Variants in DRC11 observed in about 807,000 individuals in gnomAD.
DRC11 encodes IQ and AAA domain-containing protein 1.
the DRC11 span, among the ~76,000 whole-genome samples, chr2:236,386,246 C>T: frequency 6.6e-6 from 1 of 151,240 alleles, no homozygotes; most frequent in African/African-American, 2.4e-5. Flanking sequence ...GGTACCAGCT[C>T]CTCCTTGTAC....
chr2:236,338,962 C>T, the DRC11 span, among the ~76,000 whole-genome samples: 3 of 152,298 alleles, frequency 2.0e-5, no homozygotes, highest in East Asian at 1.9e-4. Context: ...CCAGGGAGGA[C>T]GACTTCCAGC....
At chr2:236,332,310 A>G in the DRC11 span, 1 of 152,282 alleles carries the variant, frequency 6.6e-6, no homozygotes, top group Admixed American at 6.5e-5. This position sits in a 1 kb window ranked among gnomAD's most constrained non-coding sequence, Gnocchi z 5.1. Flanking sequence ...ATAATTCTGG[A>G]TGCTTAACTT....
chr2:236,457,448 C>T, the DRC11 span, among the ~76,000 whole-genome samples: 6 of 152,172 alleles, frequency 3.9e-5, no homozygotes, highest in Admixed American at 1.3e-4. The surrounding 1 kb of genome is among the most constrained non-coding windows in gnomAD (Gnocchi z 4.7). Context: ...ATTATGAACG[C>T]TATTCATGAA....
the DRC11 span, chr2:236,497,222 G>A: frequency 1.9e-6 from 3 of 1,613,342 alleles, no homozygotes; most frequent in Non-Finnish European, 2.5e-6. This position sits in a 1 kb window ranked among gnomAD's most constrained non-coding sequence, Gnocchi z 5.1. Context: ...GTGAGTTCCA[G>A]CTCCACCATC....
the DRC11 span, among the ~76,000 whole-genome samples, chr2:236,337,800 G>A: frequency 6.7e-6 from 1 of 148,242 alleles, no homozygotes; most frequent in African/African-American, 2.5e-5. This position sits in a 1 kb window ranked among gnomAD's most constrained non-coding sequence, Gnocchi z 4.9. Context: ...AGTGGACTTT[G>A]AGACTGGAAG....
At chr2:236,369,837 C>G in the DRC11 span, among the ~76,000 whole-genome samples, 1 of 152,136 alleles carries the variant, frequency 6.6e-6, no homozygotes, top group African/African-American at 2.4e-5. This position sits in a 1 kb window ranked among gnomAD's most constrained non-coding sequence, Gnocchi z 4.5. Context: ...CCGGCACAGA[C>G]ATCAGATCTT....
At chr2:236,473,340 C>T in the DRC11 span, among the ~76,000 whole-genome samples, 172 of 152,324 alleles carry the variant, frequency 1.1e-3, no homozygotes, top group Non-Finnish European at 2.1e-3. The surrounding 1 kb of genome is among the most constrained non-coding windows in gnomAD (Gnocchi z 4.8). Flanking sequence ...GGGCCACGCT[C>T]ATTTGGGCGC....
the DRC11 span, chr2:236,507,154 G>T: frequency 1.6e-6 from 2 of 1,215,736 alleles, no homozygotes; most frequent in Non-Finnish European, 2.4e-6. Flanking sequence ...TGAGAGGGGA[G>T]GAGAAAAGAA....
At chr2:236,357,258 A>G in the DRC11 span, among the ~76,000 whole-genome samples, 1 of 90,856 alleles carries the variant, frequency 1.1e-5, no homozygotes, top group Non-Finnish European at 2.0e-5. Flanking sequence ...ATATATCTAT[A>G]TATTATAAAT....
chr2:236,422,813 T>A, the DRC11 span, among the ~76,000 whole-genome samples: 1 of 151,900 alleles, frequency 6.6e-6, no homozygotes, highest in African/African-American at 2.4e-5. Context: ...ACTACAAGGC[T>A]ACAGTAACCA....
At chr2:236,439,177 A>G in the DRC11 span, among the ~76,000 whole-genome samples, 1 of 151,344 alleles carries the variant, frequency 6.6e-6, no homozygotes. Flanking sequence ...GCAAGAGCAA[A>G]CACATTCAAA....
At chr2:236,349,132 C>T in the DRC11 span, among the ~76,000 whole-genome samples, 1 of 152,158 alleles carries the variant, frequency 6.6e-6, no homozygotes, top group Non-Finnish European at 1.5e-5. The surrounding 1 kb of genome is among the most constrained non-coding windows in gnomAD (Gnocchi z 5.5). Flanking sequence ...TTCCTAATCC[C>T]TTTCAACTCC....
the DRC11 span, among the ~76,000 whole-genome samples, chr2:236,310,359 G>A: frequency 6.6e-6 from 1 of 152,182 alleles, no homozygotes; most frequent in East Asian, 1.9e-4. The surrounding 1 kb of genome is among the most constrained non-coding windows in gnomAD (Gnocchi z 5.5). Context: ...CTCCCCAACT[G>A]GACACGGCAC....
chr2:236,409,600 T>G, the DRC11 span, among the ~76,000 whole-genome samples: 1 of 152,082 alleles, frequency 6.6e-6, no homozygotes, highest in Non-Finnish European at 1.5e-5. Flanking sequence ...TACCCTTTAT[T>G]TCCTTCTCCT....
At chr2:236,477,788 A>G in the DRC11 span, among the ~76,000 whole-genome samples, 6 of 152,112 alleles carry the variant, frequency 3.9e-5, no homozygotes, top group Non-Finnish European at 8.8e-5. Context: ...CCAGAAATTT[A>G]TCTGTTTCTT....
chr2:236,480,586 A>C, the DRC11 span, among the ~76,000 whole-genome samples: 1 of 152,212 alleles, frequency 6.6e-6, no homozygotes, highest in Non-Finnish European at 1.5e-5. Flanking sequence ...AGTTATTTCA[A>C]TATCTTTGTT....
the DRC11 span, among the ~76,000 whole-genome samples, chr2:236,317,141 A>G: frequency 6.6e-6 from 1 of 152,070 alleles, no homozygotes; most frequent in African/African-American, 2.4e-5. This position sits in a 1 kb window ranked among gnomAD's most constrained non-coding sequence, Gnocchi z 5.4. Flanking sequence ...ACTAAAATAC[A>G]AAAAATTAGC....
the DRC11 span, among the ~76,000 whole-genome samples, chr2:236,404,978 G>T: frequency 2.2e-4 from 34 of 152,236 alleles, no homozygotes; most frequent in Middle Eastern, 3.4e-3. Flanking sequence ...GCTCTCTGGG[G>T]TCTCTTTCAC....
At chr2:236,330,024 A>G in the DRC11 span, among the ~76,000 whole-genome samples, 1 of 152,226 alleles carries the variant, frequency 6.6e-6, no homozygotes, top group South Asian at 2.1e-4. This position sits in a 1 kb window ranked among gnomAD's most constrained non-coding sequence, Gnocchi z 5.5. Flanking sequence ...TCCTCAAAAT[A>G]AGGAGGAAAA....
Sources: gnomAD v4.1 joint callset for allele counts (sites outside exome capture counted in the v4.1 genomes callset) on GRCh38, gnomAD v4.1.1 for gene constraint, Gnocchi (gnomAD v3.1) non-coding constraint, MANE v1.5 for transcripts, NCBI Gene and HGNC (gene_info 2026-07-23, HGNC 2026-07-21) for gene names.